Variants in UNC13C observed in about 807,000 individuals in gnomAD.
The protein encoded by UNC13C is protein unc-13 homolog C.
Under a neutral mutation model 245.4 loss-of-function variants are expected in UNC13C, and 174 were observed. The ratio of observed to expected loss-of-function variants is 0.71; its 90% CI spans 0.63 to 0.80. The LOEUF (loss-of-function observed/expected upper bound fraction) is 0.80, where lower values mean the gene tolerates loss of function less well. Ranked by LOEUF, UNC13C falls within the 30% of genes least tolerant of loss-of-function variation. The pLI, the probability that UNC13C is intolerant of heterozygous loss-of-function variation, is 0.00. For missense variants in UNC13C, 2,829 were observed against 2,602.9 expected, an observed-to-expected ratio of 1.09 and a Z score of -1.89; for synonymous variants, 992 against 895.1, an observed-to-expected ratio of 1.11 and a Z score of -1.93.
chr15:54,459,830 A>T, intron 19 of UNC13C, among the ~76,000 whole-genome samples: 1 of 150,662 alleles, frequency 6.6e-6, no homozygotes. Context: ...GTTACTTTTC[A>T]CCTTTCTCTG....
intron 2 of UNC13C, among the ~76,000 whole-genome samples, chr15:54,027,674 C>G (rs973222551): frequency 6.6e-6 from 1 of 152,124 alleles, no homozygotes; most frequent in African/African-American, 2.4e-5. Flanking sequence ...CCTGGCCTCT[C>G]CCTGGGTTTT....
At chr15:53,922,270 A>G in the UNC13C span, among the ~76,000 whole-genome samples, 79 of 152,226 alleles carry the variant, frequency 5.2e-4, no homozygotes, top group African/African-American at 1.9e-3. Context: ...CAATTGTGTC[A>G]ATCTGGCTCA....
intron 19 of UNC13C, among the ~76,000 whole-genome samples, chr15:54,474,392 T>C (rs1196923618): frequency 2.0e-5 from 3 of 152,052 alleles, no homozygotes; most frequent in East Asian, 1.9e-4. Flanking sequence ...TAATTTCTCA[T>C]TGTGGTTTTG....
At chr15:53,852,232 C>G in the UNC13C span, among the ~76,000 whole-genome samples, 1 of 152,130 alleles carries the variant, frequency 6.6e-6, no homozygotes, top group Non-Finnish European at 1.5e-5. Flanking sequence ...GGGTAAACCC[C>G]CACACATTTG....
rs533651114 is a variant in UNC13C, at chr15:54,500,946, G to A, written c.5269G>A (p.Ala1757Thr). The change falls in exon 22 of 33, where the codon GCA (alanine) becomes ACA (threonine). Residue 1757 changes from alanine to threonine, a missense_variant. Physicochemically the swap from Ala to Thr is moderately conservative, Grantham distance 58. Coordinates refer to ENST00000260323, the MANE Select transcript of UNC13C (RefSeq NM_001080534.3). Reference sequence around the variant, plus strand: ...GAAACTGGAATGCCCTAATCCTGAAGCATTATCTCACTTAATGAGAAGATT... The same window carrying A: ...GAAACTGGAATGCCCTAATCCTGAAACATTATCTCACTTAATGAGAAGATT... ...IKKLECPNPE[A>T]LSHLMRRFAK... 5 of 1,612,820 alleles carry A rather than the reference G, an allele frequency of 3.1e-6. No homozygotes were observed. The African/African-American group carries it at 5.3e-5, about 17-fold the overall frequency.
chr15:54,501,050 T>C, intron 22 of UNC13C, 72 bp downstream of exon 22: 1 of 1,508,004 alleles, frequency 6.6e-7, no homozygotes, highest in Admixed American at 1.8e-5. Flanking sequence ...TGTTTTGTGG[T>C]GTTAGTCTTC....
At position 54,298,576 on chromosome 15, in the gene UNC13C, A is replaced by G. The variant is rs932505477; in HGVS notation, c.4104+650A>G. ...AAAATGAAGATGTGGTTACTCACCC[A>G]AAAAGTAGGGCCTAGTTGGCTTGGA... On this transcript the variant is annotated intron_variant, in intron 12 of 32. Coordinates refer to ENST00000260323, the MANE Select transcript of UNC13C (RefSeq NM_001080534.3). 2.0e-4 allele frequency among the ~76,000 whole-genome samples: 30 copies of G among 152,194 alleles called. 1 individual carries two copies. Among genetic ancestry groups the G allele is most frequent in the Admixed American group, 1.2e-3 (18 of 15,272 alleles).
At chr15:54,334,221 A>G (rs1858356) in intron 16 of UNC13C, among the ~76,000 whole-genome samples, 38,311 of 152,092 alleles carry the variant, frequency 0.25, 5,252 homozygotes, top group Admixed American at 0.34. Context: ...TTTTTGCTAC[A>G]AGAAAGTAGC....
At chr15:53,938,900 G>T in the UNC13C span, among the ~76,000 whole-genome samples, 1 of 152,214 alleles carries the variant, frequency 6.6e-6, no homozygotes, top group African/African-American at 2.4e-5. Context: ...CAAAAAGTTA[G>T]AAAGACCTCA....
intron 17 of UNC13C, among the ~76,000 whole-genome samples, chr15:54,341,911 G>A (rs1240296637): frequency 6.6e-6 from 1 of 151,360 alleles, no homozygotes; most frequent in Non-Finnish European, 1.5e-5. Context: ...GGGAGGCGGA[G>A]CTTGCAGTGA....
chr15:53,901,396 A>T, the UNC13C span, among the ~76,000 whole-genome samples: 4 of 146,944 alleles, frequency 2.7e-5, no homozygotes, highest in Non-Finnish European at 6.0e-5. Context: ...TTTTTTTTGT[A>T]TTTTTTTTTT....
At chr15:54,174,125 G>T (rs2033522072) in intron 4 of UNC13C, among the ~76,000 whole-genome samples, 1 of 151,888 alleles carries the variant, frequency 6.6e-6, no homozygotes, top group Non-Finnish European at 1.5e-5. Flanking sequence ...GGATATTTTT[G>T]TTTTTATGCT....
chr15:54,294,123 G>A (rs1361153721), intron 11 of UNC13C, 59 bp downstream of exon 11: 15 of 1,391,136 alleles, frequency 1.1e-5, no homozygotes, highest in African/African-American at 1.5e-5. Context: ...AATACCTGTG[G>A]CATGTATTAC....
intron 2 of UNC13C, among the ~76,000 whole-genome samples, chr15:54,139,551 A>G (rs1456976532): frequency 1.3e-5 from 2 of 152,156 alleles, no homozygotes; most frequent in African/African-American, 2.4e-5. Flanking sequence ...TATTATTACA[A>G]TTTTCATGCT....
chr15:53,886,982 C>G, the UNC13C span, among the ~76,000 whole-genome samples: 1 of 152,176 alleles, frequency 6.6e-6, no homozygotes, highest in African/African-American at 2.4e-5. Flanking sequence ...ACTGTCACAG[C>G]CAAGAGGTGC....
chr15:54,441,118 A>G (rs867375969), intron 19 of UNC13C, among the ~76,000 whole-genome samples: 1 of 151,650 alleles, frequency 6.6e-6, no homozygotes, highest in Admixed American at 6.6e-5. Context: ...TTGTCTCTTT[A>G]CTCTGTTGGT....
intron 17 of UNC13C, among the ~76,000 whole-genome samples, chr15:54,361,717 A>T (rs2039235657): frequency 6.6e-6 from 1 of 152,188 alleles, no homozygotes; most frequent in African/African-American, 2.4e-5. Context: ...TAGAACTAAA[A>T]CACTGCACTG....
At chr15:54,123,834 T>G (rs755652032) in intron 2 of UNC13C, among the ~76,000 whole-genome samples, 2 of 152,126 alleles carry the variant, frequency 1.3e-5, no homozygotes, top group African/African-American at 4.8e-5. Flanking sequence ...TTCTGTCTCT[T>G]TATAATCACT....
At chr15:54,599,645 A>C (rs1899295095) in intron 30 of UNC13C, among the ~76,000 whole-genome samples, 2 of 152,072 alleles carry the variant, frequency 1.3e-5, no homozygotes, top group African/African-American at 4.8e-5. Context: ...CAACTACCCG[A>C]AACACATGGT....
Sources: gnomAD v4.1 joint callset for allele counts (sites outside exome capture counted in the v4.1 genomes callset) on GRCh38, gnomAD v4.1.1 for gene constraint, MANE v1.5 for transcripts, NCBI Gene and HGNC (gene_info 2026-07-23, HGNC 2026-07-21) for gene names.